The following RANBP17 variants were observed in gnomAD, a reference collection of about 807,000 sequenced individuals.
RANBP17 encodes the protein ran-binding protein 17.
Under a neutral mutation model 141.2 loss-of-function variants are expected in RANBP17, and 158 were observed. The ratio of observed to expected loss-of-function variants is 1.12; its 90% CI spans 0.98 to 1.28. RANBP17 has a LOEUF of 1.28. RANBP17 is among the 50% of genes most tolerant of loss of function. The probability of loss-of-function intolerance (pLI) is 0.00; values close to 1 mark genes in which losing one functional copy is unlikely to be tolerated. For missense variants in RANBP17, 1,438 were observed against 1,290.7 expected (o/e 1.11, Z -1.75); for synonymous variants, 430 against 450.0 (o/e 0.96, Z 0.56).
intron 25 of RANBP17, among the ~76,000 whole-genome samples, chr5:171,280,910 G>A (rs1267477825): frequency 6.6e-6 from 1 of 152,200 alleles, no homozygotes; most frequent in Non-Finnish European, 1.5e-5. Context: ...AATCAGGGCA[G>A]ACAGGTTTTA....
intron 21 of RANBP17, among the ~76,000 whole-genome samples, chr5:171,217,834 C>CA (rs926291249): frequency 6.6e-6 from 1 of 151,670 alleles, no homozygotes; most frequent in African/African-American, 2.4e-5. Context: ...TTAATTTTTT[C>CA]AAAAAAACAG....
At chr5:171,074,662 A>G (rs1181408418) in intron 14 of RANBP17, among the ~76,000 whole-genome samples, 4 of 152,234 alleles carry the variant, frequency 2.6e-5, no homozygotes, top group Non-Finnish European at 5.9e-5. Flanking sequence ...TCTGTCAACA[A>G]ATATTTATGC....
At chr5:170,894,908 C>A (rs1274482006) in intron 4 of RANBP17, among the ~76,000 whole-genome samples, 2 of 152,170 alleles carry the variant, frequency 1.3e-5, no homozygotes, top group Non-Finnish European at 2.9e-5. Context: ...TACTTTGTGA[C>A]TTAGCTGTTT....
chr5:171,077,360 A>G (rs1004072144), intron 14 of RANBP17, among the ~76,000 whole-genome samples: 8 of 152,136 alleles, frequency 5.3e-5, no homozygotes, highest in Non-Finnish European at 1.2e-4. Context: ...AGAAGTGTAC[A>G]AGGTAAGTTA....
At chr5:171,276,929 AAAAAAAAAAAAAAAACCTCTGCAAGG>A (rs1767523177) in intron 25 of RANBP17, among the ~76,000 whole-genome samples, 1 of 150,860 alleles carries the variant, frequency 6.6e-6, no homozygotes, top group African/African-American at 2.4e-5. Flanking sequence ...AAAAAAAAAA[AAAAAAAAAAAAAAAACCTCTGCAAGG>A]AAAATTTCTA....
chr5:171,289,527 C>T (rs1768357876), intron 25 of RANBP17, among the ~76,000 whole-genome samples: 1 of 151,840 alleles, frequency 6.6e-6, no homozygotes. Context: ...TGCTTGAGGC[C>T]AAGAATTGGA....
chr5:171,000,760 G>C (rs1362585270), intron 14 of RANBP17, among the ~76,000 whole-genome samples: 1 of 152,126 alleles, frequency 6.6e-6, no homozygotes, highest in East Asian at 1.9e-4. Context: ...TTTACGGGCA[G>C]GGGGTGGATC....
intron 12 of RANBP17, among the ~76,000 whole-genome samples, chr5:170,927,346 G>A (rs556166074): frequency 1.6e-4 from 24 of 152,164 alleles, no homozygotes; most frequent in African/African-American, 5.8e-4. Context: ...GTATACACAT[G>A]CCATGGTGGT....
At chr5:171,234,014 C>T (rs1212749763) in intron 22 of RANBP17, among the ~76,000 whole-genome samples, 1 of 151,606 alleles carries the variant, frequency 6.6e-6, no homozygotes, top group Non-Finnish European at 1.5e-5. Context: ...CGCTGTACCT[C>T]TCTCTCAGCT....
At chr5:171,251,777 G>T (rs1393287298) in intron 24 of RANBP17, 1 of 982,208 alleles carries the variant, frequency 1.0e-6, no homozygotes, top group Non-Finnish European at 1.6e-6. Context: ...GCCCGCCCCC[G>T]CCTCTGTGAT....
chr5:171,238,877 G>A (rs888370702), intron 22 of RANBP17, among the ~76,000 whole-genome samples: 4 of 152,108 alleles, frequency 2.6e-5, no homozygotes, highest in African/African-American at 9.7e-5. Context: ...TCCTGCCAAA[G>A]GAAAGTTAGT....
intron 14 of RANBP17, among the ~76,000 whole-genome samples, chr5:171,043,534 C>G (rs944047246): frequency 7.2e-5 from 11 of 152,232 alleles, no homozygotes; most frequent in Middle Eastern, 3.4e-3. Flanking sequence ...TTAGATGACA[C>G]TGCCTCAGTG....
Position 170,878,104 on chromosome 5 carries a change from C to T in RANBP17, c.26C>T (p.Ala9Val). The T allele has an allele frequency of 1.3e-6, 2 of 1,539,876 alleles. No individual in the cohort carries two copies. The highest frequency in any genetic ancestry group is 1.3e-5 in the South Asian group (1 of 76,580). The change falls in exon 2 of 28, where the codon GCT (alanine) becomes GTT (valine). Residue 9 changes from alanine to valine, a missense_variant. Physicochemically the swap from Ala to Val is moderately conservative, Grantham distance 64 (BLOSUM62 0). Coordinates refer to ENST00000523189, the MANE Select transcript of RANBP17 (RefSeq NM_022897.5). ...ATTTTTTTTTCTTTGAAGAGTTTGG[C>T]TGAATTGGAAGTGTTATGTACTCAT... MALHFQSL[A>V]ELEVLCTHLY...
intron 24 of RANBP17, chr5:171,252,271 C>A (rs1156534168): frequency 6.4e-7 from 1 of 1,557,698 alleles, no homozygotes; most frequent in African/African-American, 1.4e-5. Flanking sequence ...TGGCCGCTTA[C>A]CTAATGGTAA....
chr5:171,062,866 T>C (rs1343525958), intron 14 of RANBP17, among the ~76,000 whole-genome samples: 6 of 152,092 alleles, frequency 3.9e-5, no homozygotes, highest in African/African-American at 1.4e-4. Context: ...TTTCTTTTTA[T>C]TCTTTTTTCT....
intron 22 of RANBP17, among the ~76,000 whole-genome samples, chr5:171,237,586 G>C (rs762796702): frequency 1.8e-4 from 27 of 152,154 alleles, no homozygotes; most frequent in Non-Finnish European, 3.8e-4. Context: ...AATGTACTCA[G>C]TGGGAAACAA....
At chr5:171,131,262 A>G (rs1756899158) in intron 14 of RANBP17, among the ~76,000 whole-genome samples, 1 of 152,200 alleles carries the variant, frequency 6.6e-6, no homozygotes, top group African/African-American at 2.4e-5. Flanking sequence ...TATTAAGATT[A>G]TGTCATAAAG....
intron 14 of RANBP17, among the ~76,000 whole-genome samples, chr5:171,037,555 G>A (rs1781962393): frequency 6.6e-6 from 1 of 152,112 alleles, no homozygotes; most frequent in African/African-American, 2.4e-5. Flanking sequence ...TTTCTTCTAG[G>A]ATTCTTATAG....
At chr5:171,118,461 G>A (rs1030590057) in intron 14 of RANBP17, among the ~76,000 whole-genome samples, 3 of 152,000 alleles carry the variant, frequency 2.0e-5, no homozygotes, top group Admixed American at 1.3e-4. Flanking sequence ...CATAAAGAGT[G>A]CACTGACTAT....
Sources: gnomAD v4.1 joint callset for allele counts (sites outside exome capture counted in the v4.1 genomes callset) on GRCh38, gnomAD v4.1.1 for gene constraint, MANE v1.5 for transcripts, NCBI Gene and HGNC (gene_info 2026-07-23, HGNC 2026-07-21) for gene names.